UPRT: variants seen among roughly 807,000 people sequenced by gnomAD.
UPRT encodes uracil phosphoribosyltransferase homolog, also known as RP11-311P8.3.
UPRT carries 5 observed loss-of-function variants against 22.6 expected under a neutral mutation model. That is an observed-to-expected ratio of 0.22 (90% CI 0.12 to 0.47). The LOEUF is 0.47. Ranked by LOEUF, UPRT falls within the 20% of genes least tolerant of loss-of-function variation. UPRT has a pLI of 0.99. For missense variants in UPRT, 181 were observed against 239.9 expected (o/e 0.75, Z 1.62); for synonymous variants, 77 against 87.7 (o/e 0.88, Z 0.68).
chrX:75,264,374 C>G (rs921889261), intron 4 of UPRT, among the ~76,000 whole-genome samples: 6 of 111,451 alleles, frequency 5.4e-5, no homozygotes, highest in Non-Finnish European at 9.4e-5. Context: ...CTTTGTAGGT[C>G]TCTAAGGACT....
chrX:75,302,811 C>T (rs997750970), intron 6 of UPRT, among the ~76,000 whole-genome samples: 10 of 111,355 alleles, frequency 9.0e-5, no homozygotes, highest in African/African-American at 2.3e-4. Context: ...TGCTCTGACA[C>T]ACCAGCTTTT....
intron 4 of UPRT, among the ~76,000 whole-genome samples, chrX:75,177,056 C>T (rs1384177747): frequency 9.0e-6 from 1 of 111,259 alleles, no homozygotes; most frequent in Non-Finnish European, 1.9e-5. Flanking sequence ...AAAGACAAAA[C>T]CGCCCATGGT....
intron 4 of UPRT, among the ~76,000 whole-genome samples, chrX:75,215,389 A>G (rs936882991): frequency 8.9e-6 from 1 of 111,873 alleles, no homozygotes. Flanking sequence ...AATCAATGAA[A>G]TTGACAACAG....
intron 4 of UPRT, among the ~76,000 whole-genome samples, chrX:75,184,942 G>C (rs1380147191): frequency 9.0e-6 from 1 of 111,110 alleles, no homozygotes; most frequent in Non-Finnish European, 1.9e-5. Flanking sequence ...GGGTTTACTA[G>C]ATATACAATC....
chrX:75,250,492 C>T (rs1443531672), intron 4 of UPRT, among the ~76,000 whole-genome samples: 3 of 111,298 alleles, frequency 2.7e-5, no homozygotes, highest in African/African-American at 6.5e-5. Context: ...ACACATACAC[C>T]CTCCCAAGAC....
At chrX:75,238,298 C>T (rs769395479) in intron 4 of UPRT, among the ~76,000 whole-genome samples, 2 of 111,207 alleles carry the variant, frequency 1.8e-5, no homozygotes, top group African/African-American at 3.3e-5. Context: ...ATATTCCATA[C>T]AAATAGACAC....
At chrX:75,187,090 G>A (rs186569112) in intron 4 of UPRT, among the ~76,000 whole-genome samples, 51 of 111,354 alleles carry the variant, frequency 4.6e-4, no homozygotes, top group East Asian at 2.8e-3. Context: ...TATTTTGCTC[G>A]TTAGTTGATG....
At chrX:75,269,678 G>A (rs1345856517), upstream of UPRT, among the ~76,000 whole-genome samples, 1 of 111,758 alleles carries the variant, frequency 8.9e-6, no homozygotes, top group Admixed American at 9.5e-5. Flanking sequence ...TTAATAAATG[G>A]TGTTGGGAAA....
chrX:75,286,785 A>G (rs932484885), intron 1 of UPRT, among the ~76,000 whole-genome samples: 5 of 111,899 alleles, frequency 4.5e-5, no homozygotes, highest in South Asian at 3.8e-4. Context: ...TTAGGGCAAA[A>G]TATAAGTCAT....
chrX:75,193,670 T>C, intron 4 of UPRT, among the ~76,000 whole-genome samples: 1 of 111,896 alleles, frequency 8.9e-6, no homozygotes, highest in Admixed American at 9.5e-5. Flanking sequence ...TTTTTCTTTA[T>C]TTTTCTGTGA....
chrX:75,269,378 C>G (rs1022799778), upstream of UPRT, among the ~76,000 whole-genome samples: 4 of 111,923 alleles, frequency 3.6e-5, no homozygotes, highest in African/African-American at 1.3e-4. Flanking sequence ...CTACCACTGA[C>G]TTTCTTCACA....
At chrX:75,266,443 G>C (rs1171087369) in intron 4 of UPRT, among the ~76,000 whole-genome samples, 1 of 111,447 alleles carries the variant, frequency 9.0e-6, no homozygotes, top group African/African-American at 3.3e-5. Context: ...ATTAATTCGA[G>C]ATGGATTAAA....
At chrX:75,212,618 A>G (rs776003284) in intron 4 of UPRT, among the ~76,000 whole-genome samples, 8 of 112,169 alleles carry the variant, frequency 7.1e-5, no homozygotes, top group Non-Finnish European at 1.3e-4. Context: ...CTTAAAAAAG[A>G]ATGAGATCAT....
intron 4 of UPRT, among the ~76,000 whole-genome samples, chrX:75,185,672 G>A (rs768446802): frequency 1.8e-5 from 2 of 112,043 alleles, no homozygotes; most frequent in South Asian, 3.8e-4. Context: ...TTGTTGGTAA[G>A]CTATTAATTA....
chrX:75,262,228 A>G (rs773272116), intron 4 of UPRT, among the ~76,000 whole-genome samples: 2 of 111,785 alleles, frequency 1.8e-5, no homozygotes, highest in East Asian at 5.6e-4. Flanking sequence ...ACAGACAAGC[A>G]AATGCTGATG....
At chrX:75,242,018 A>C (rs1602469524) in intron 4 of UPRT, among the ~76,000 whole-genome samples, 1 of 110,645 alleles carries the variant, frequency 9.0e-6, no homozygotes, top group Non-Finnish European at 1.9e-5. Context: ...AATCATACCT[A>C]AAGAATTTAT....
chrX:75,252,325 TAACTC>T (rs1449768463), intron 4 of UPRT, among the ~76,000 whole-genome samples: 3 of 107,944 alleles, frequency 2.8e-5, no homozygotes, highest in Non-Finnish European at 5.9e-5. Context: ...TGACAAAAAT[TAACTC>T]AAACAAATTT....
intron 4 of UPRT, among the ~76,000 whole-genome samples, chrX:75,262,246 TCA>T (rs2082571034): frequency 9.0e-6 from 1 of 111,686 alleles, no homozygotes; most frequent in Middle Eastern, 4.2e-3. Flanking sequence ...ATGGATTTTG[TCA>T]CCACCAGACT....
chrX:75,246,315 T>C (rs764238463), intron 4 of UPRT, among the ~76,000 whole-genome samples: 2 of 97,594 alleles, frequency 2.0e-5, no homozygotes, highest in South Asian at 5.6e-4. Context: ...CCATGTGTTC[T>C]CATTGTTCAA....
Sources: allele counts gnomAD v4.1 joint callset (sites outside exome capture counted in the v4.1 genomes callset), GRCh38; gene constraint gnomAD v4.1.1; transcripts MANE v1.5; gene names NCBI Gene and HGNC (gene_info 2026-07-23, HGNC 2026-07-21).